Variants in DUT observed in about 807,000 individuals in gnomAD.
DUT encodes the protein deoxyuridine 5'-triphosphate nucleotidohydrolase, mitochondrial.
In DUT, 21 loss-of-function variants were observed where a neutral mutation model predicts 28.8. The ratio of observed to expected loss-of-function variants is 0.73; its 90% confidence interval spans 0.52 to 1.05. DUT has a LOEUF of 1.05. DUT is among the 50% of genes least tolerant of loss of function. The pLI is 0.00. For missense variants in DUT, 344 were observed against 351.8 expected, an observed-to-expected ratio of 0.98 and a Z score of 0.18; for synonymous variants, 147 against 143.7, an observed-to-expected ratio of 1.02 and a Z score of -0.17.
chr15:48,332,058 C>T (rs1380877660), intron 1 of DUT: 23 of 1,183,070 alleles, frequency 1.9e-5, no homozygotes, highest in Non-Finnish European at 2.6e-5. Flanking sequence ...ACCTGCTTTC[C>T]GAGAAGGGCT....
rs558723621 is a variant in DUT, at chr15:48,343,025, C to G, written c.*947C>G. 1 of 152,298 alleles carries G rather than the reference C, an allele frequency of 6.6e-6. No homozygotes were observed. The highest frequency in any genetic ancestry group is 2.1e-4 in the South Asian group (1 of 4,830). The allele number at this position is 152,298 out of a possible 1,614,324, so 9.4% of individuals were successfully genotyped here. A position where few individuals can be genotyped will look rare whatever the true frequency, so the allele number is the denominator to read the frequency against. On this transcript the variant is annotated 3_prime_UTR_variant, in exon 7 of 7. Coordinates refer to ENST00000331200, the MANE Select transcript of DUT (RefSeq NM_001025248.2). ...GTGCTTTCCTTTCTTTACTATGTTTCTCAGATTCCTTTGTATCAGGGTTTT... is the reference window on the plus strand; with the variant it reads ...GTGCTTTCCTTTCTTTACTATGTTTGTCAGATTCCTTTGTATCAGGGTTTT...
rs961390109 is a variant in DUT at position 48,331,810 on chromosome 15, G to A, written c.280+15G>A. On this transcript the variant is annotated intron_variant, in intron 1 of 6. Transcript: ENST00000331200. Reference sequence around the variant, plus strand: ...GCCGGGGCCGGGTAGGAAAGGCGGGGGAGGGGCTCCGGCCGTCTGGAAGGA... The same window carrying A: ...GCCGGGGCCGGGTAGGAAAGGCGGGAGAGGGGCTCCGGCCGTCTGGAAGGA... 6.4e-5 allele frequency: 87 copies of A among 1,363,822 alleles called. No individual in the cohort carries two copies. The highest frequency in any genetic ancestry group is 7.7e-5 in the Non-Finnish European group (82 of 1,064,646). The allele number at this position is 1,363,822 out of a possible 1,614,324, so 84.5% of individuals were successfully genotyped here. A position where few individuals can be genotyped will look rare whatever the true frequency, so the allele number is the denominator to read the frequency against.
intron 4 of DUT, among the ~76,000 whole-genome samples, chr15:48,339,737 T>C (rs1033468520): frequency 6.6e-6 from 1 of 152,194 alleles, no homozygotes; most frequent in Non-Finnish European, 1.5e-5. Flanking sequence ...TTGCTGCTTT[T>C]CTGCCCAGTT....
Position 48,331,477 on chromosome 15 carries a change from G to C in DUT, c.-39G>C, listed in dbSNP as rs374709531. 73 of 1,608,166 alleles carry C rather than the reference G, an allele frequency of 4.5e-5. No homozygotes were observed. Among genetic ancestry groups the C allele is most frequent in the Non-Finnish European group, 5.9e-5 (70 of 1,177,984 alleles). Reference sequence around the variant, plus strand: ...AGGGTGGAAGCCTGGCGCACGTCCGGAGGTGCCGAGGACCCAACCAGCCCA... The same window carrying C: ...AGGGTGGAAGCCTGGCGCACGTCCGCAGGTGCCGAGGACCCAACCAGCCCA... On this transcript the variant is annotated 5_prime_UTR_variant, in exon 1 of 7. Transcript: ENST00000331200.
chr15:48,342,260 A>C lies in DUT; in HGVS notation c.*182A>C. 1 of 373,930 alleles carries C rather than the reference A, an allele frequency of 2.7e-6. No individual in the cohort carries two copies. The highest frequency in any genetic ancestry group is 4.8e-6 in the Non-Finnish European group (1 of 209,848). 23.2% of individuals were successfully genotyped at this position (373,930 alleles called of 1,614,324 possible). A position where few individuals can be genotyped will look rare whatever the true frequency, so the allele number is the denominator to read the frequency against. ...GAAAAGATCATTAAAAAAAAACACA[A>C]AGAAGTTTTTCTTTGTGTTTGGATC... On this transcript the variant is annotated 3_prime_UTR_variant, in exon 7 of 7. Coordinates refer to ENST00000331200, the MANE Select transcript of DUT (RefSeq NM_001025248.2).
At chr15:48,337,942 G>T (rs1010070984) in intron 4 of DUT, among the ~76,000 whole-genome samples, 1 of 152,108 alleles carries the variant, frequency 6.6e-6, no homozygotes, top group African/African-American at 2.4e-5. Flanking sequence ...ACTAAAAAAG[G>T]TTTCCAACAA....
At position 48,331,522 on chromosome 15, in the gene DUT, C is replaced by T. The variant is rs2042408486; in HGVS notation, c.7C>T (p.Pro3Ser). The T allele has an allele frequency of 6.2e-7, 1 of 1,611,832 alleles. No individual in the cohort carries two copies. Among genetic ancestry groups the T allele is most frequent in the Non-Finnish European group, 8.5e-7 (1 of 1,179,532 alleles). Residue 3 changes from proline to serine, a missense_variant, in exon 1 of 7, where the codon CCC becomes TCC. Transcript: ENST00000331200. MT[P>S]LCPRPALCYH... ...AGCCCAAACTCTGGGGGAAATGACT[C>T]CCCTCTGCCCTCGCCCCGCGCTCTG...
intron 6 of DUT, 182 bp downstream of exon 6, chr15:48,341,767 T>C: frequency 6.4e-6 from 4 of 622,750 alleles, no homozygotes; most frequent in Non-Finnish European, 1.1e-5. Flanking sequence ...GTAGCTATTA[T>C]GTAGTATTAC....
intron 2 of DUT, among the ~76,000 whole-genome samples, chr15:48,334,083 G>C (rs778230891): frequency 2.0e-5 from 3 of 151,974 alleles, no homozygotes; most frequent in African/African-American, 7.3e-5. Context: ...TTGCCTTTCT[G>C]CCCTTTCACG....
chr15:48,336,090 G>A lies in DUT; in HGVS notation c.556G>A (p.Ala186Thr). The A allele has an allele frequency of 6.3e-7, 1 of 1,592,866 alleles. No individual in the cohort carries two copies. Among genetic ancestry groups the A allele is most frequent in the Non-Finnish European group, 8.5e-7 (1 of 1,174,138 alleles). The change falls in exon 4 of 7, where the codon GCT becomes ACT. Residue 186 changes from alanine (A) to threonine (T), a missense_variant and splice_region_variant. By Grantham distance (58) the Ala-to-Thr change is moderately conservative (BLOSUM62 0). Transcript: ENST00000331200. ...LAAKHFIDVG[A>T]GVIDEDYRGN... is the part of the protein sequence containing the mutation. Reference sequence around the variant, plus strand: ...TGCAAAACACTTTATTGATGTAGGAGGTAATATATTTCCTTTTTTATTCTG... The same window carrying A: ...TGCAAAACACTTTATTGATGTAGGAAGTAATATATTTCCTTTTTTATTCTG...
At chr15:48,332,220 G>C (rs28381103) in intron 1 of DUT, 48 bp from the exon 2 acceptor site, 17,274 of 1,549,366 alleles carry the variant, frequency 0.011, 396 homozygotes, top group Admixed American at 0.082. Flanking sequence ...CTCTTCCCCC[G>C]GTGGTCTCCT....
rs751900218 is a variant in DUT, at chr15:48,341,420, G to A, written c.631+57G>A. ...AGTGAATTTTCAGAGTCATGTATGT[G>A]TAAATTAATATTGACTCCTTTAATT... On this transcript the variant is annotated intron_variant, in intron 5 of 6. Coordinates refer to ENST00000331200, the MANE Select transcript of DUT (RefSeq NM_001025248.2). The A allele has an allele frequency of 1.4e-5, 21 of 1,548,696 alleles. No individual in the cohort carries two copies. The African/African-American group carries it at 1.9e-4, about 14-fold the overall frequency.
intron 2 of DUT, chr15:48,332,873 C>T: frequency 4.6e-6 from 2 of 433,116 alleles, no homozygotes; most frequent in South Asian, 3.3e-5. Flanking sequence ...AAAGGCAGAG[C>T]TGCCTGTAAT....
rs1439995933 is a variant in DUT at position 48,332,077 on chromosome 15, A to C, written c.281-191A>C. The C allele has an allele frequency of 7.7e-6, 10 of 1,296,116 alleles. No homozygotes were observed. In the East Asian group the frequency reaches 3.0e-4, roughly 39 times the overall value. 80.3% of individuals were successfully genotyped at this position (1,296,116 alleles called of 1,614,324 possible). A position where few individuals can be genotyped will look rare whatever the true frequency, so the allele number is the denominator to read the frequency against. On this transcript the variant is annotated intron_variant, in intron 1 of 6. Transcript: ENST00000331200. ...GCTTTCCGAGAAGGGCTTCAAACCC[A>C]AAATGTGAATCCCGCCTCCCCTCTC...
intron 1 of DUT, 192 bp from the exon 2 acceptor site, chr15:48,332,076 C>G: frequency 7.8e-7 from 1 of 1,288,924 alleles, no homozygotes; most frequent in Non-Finnish European, 1.0e-6. Context: ...GCTTCAAACC[C>G]AAAATGTGAA....
chr15:48,336,121 G>A, intron 4 of DUT, 31 bp downstream of exon 4: 3 of 1,538,882 alleles, frequency 1.9e-6, no homozygotes, highest in Non-Finnish European at 1.8e-6. Flanking sequence ...TTCTGTAAAT[G>A]TTTGCAAGTA....
chr15:48,332,657 C>G, intron 2 of DUT: 1 of 670,792 alleles, frequency 1.5e-6, no homozygotes, highest in Non-Finnish European at 2.7e-6. Flanking sequence ...TGTGCCCTTC[C>G]TAAATAGAAG....
chr15:48,331,174 C>T, upstream of DUT: 5 of 1,498,306 alleles, frequency 3.3e-6, no homozygotes, highest in Admixed American at 2.1e-5. Context: ...GTCATGGCTG[C>T]GGGCGGTGCC....
chr15:48,341,260 T>G, intron 4 of DUT, 29 bp from the exon 5 acceptor site: 2 of 1,439,516 alleles, frequency 1.4e-6, no homozygotes, highest in Non-Finnish European at 1.9e-6. Context: ...TAGCAAAAAT[T>G]GAGATAATAT....
Sources: gnomAD v4.1 joint callset for allele counts (sites outside exome capture counted in the v4.1 genomes callset) on GRCh38, gnomAD v4.1.1 for gene constraint, MANE v1.5 for transcripts, NCBI Gene and HGNC (gene_info 2026-07-23, HGNC 2026-07-21) for gene names.